LRP1B: variants seen among roughly 807,000 people sequenced by gnomAD.
LRP1B encodes LDL receptor related protein 1B, also known as low-density lipoprotein receptor-related protein 1B.
A neutral mutation model predicts 556.6 loss-of-function variants in LRP1B; 217 were observed. The observed-to-expected ratio is 0.39, with a 90% CI of 0.35 to 0.44. The LOEUF is 0.44. LRP1B is among the 20% of genes least tolerant of loss of function. The probability of loss-of-function intolerance (pLI) is 1.00; values close to 1 mark genes in which losing one functional copy is unlikely to be tolerated. For synonymous variants in LRP1B, 2,047 were observed against 1,865.8 expected, an observed-to-expected ratio of 1.10 and a Z score of -2.50; for missense variants, 5,053 against 5,620.8, an observed-to-expected ratio of 0.90 and a Z score of 3.23.
intron 2 of LRP1B, among the ~76,000 whole-genome samples, chr2:141,748,134 C>T (rs1693978322): frequency 6.6e-6 from 1 of 152,190 alleles, no homozygotes; most frequent in Admixed American, 6.5e-5. Flanking sequence ...ATATGCCCTA[C>T]ATTTTATAGG....
intron 2 of LRP1B, among the ~76,000 whole-genome samples, chr2:141,619,878 G>A (rs117007572): frequency 6.6e-6 from 1 of 152,126 alleles, no homozygotes; most frequent in African/African-American, 2.4e-5. Context: ...ACCATCCTAC[G>A]AGCAGATTAA....
At chr2:141,854,548 C>T (rs1697982834) in intron 1 of LRP1B, among the ~76,000 whole-genome samples, 1 of 152,084 alleles carries the variant, frequency 6.6e-6, no homozygotes, top group Non-Finnish European at 1.5e-5. Context: ...ACCTGCATTA[C>T]ACATCTGTTG....
intron 3 of LRP1B, among the ~76,000 whole-genome samples, chr2:141,392,408 C>A (rs539815668): frequency 1.1e-4 from 16 of 144,256 alleles, no homozygotes; most frequent in African/African-American, 2.0e-4. Flanking sequence ...AATCATCCTG[C>A]CTAACTTGCA....
chr2:140,758,481 CAAAT>C (rs1257446662), intron 35 of LRP1B, among the ~76,000 whole-genome samples: 2 of 151,780 alleles, frequency 1.3e-5, no homozygotes, highest in East Asian at 3.9e-4. Flanking sequence ...AAAATTTAAA[CAAAT>C]AAAAGTATTT....
intron 43 of LRP1B, among the ~76,000 whole-genome samples, chr2:140,572,695 T>C (rs1337086125): frequency 6.6e-6 from 1 of 151,788 alleles, no homozygotes; most frequent in Non-Finnish European, 1.5e-5. Context: ...ATTACAGCAC[T>C]ATTCACAATA....
At chr2:141,155,484 TTA>T (rs1405215533) in intron 7 of LRP1B, among the ~76,000 whole-genome samples, 34 of 150,266 alleles carry the variant, frequency 2.3e-4, no homozygotes, top group Non-Finnish European at 2.8e-4. Flanking sequence ...CTTTTTATTA[TTA>T]TTTTTTTTTA....
chr2:140,546,316 T>C (rs1006232639), intron 43 of LRP1B, among the ~76,000 whole-genome samples: 1 of 152,110 alleles, frequency 6.6e-6, no homozygotes, highest in African/African-American at 2.4e-5. Flanking sequence ...TCCAATACTA[T>C]ATTGAAAAGG....
intron 1 of LRP1B, among the ~76,000 whole-genome samples, chr2:142,061,521 C>T (rs1704912569): frequency 1.3e-5 from 2 of 151,914 alleles, no homozygotes; most frequent in Non-Finnish European, 2.9e-5. Flanking sequence ...CAAGGTAGTG[C>T]AGCAAACAGG....
intron 32 of LRP1B, among the ~76,000 whole-genome samples, chr2:140,788,283 A>G (rs12620422): frequency 0.43 from 65,752 of 151,994 alleles, 15,834 homozygotes; most frequent in East Asian, 0.58. Context: ...CTACATAAAT[A>G]ACTCGGAAAA....
intron 2 of LRP1B, among the ~76,000 whole-genome samples, chr2:141,521,491 G>T (rs1338669002): frequency 1.4e-5 from 2 of 147,700 alleles, no homozygotes; most frequent in African/African-American, 4.9e-5. Flanking sequence ...GAAAATTGGA[G>T]AAATTTTCAT....
At chr2:140,577,721 T>C (rs1681588856) in intron 43 of LRP1B, among the ~76,000 whole-genome samples, 2 of 152,132 alleles carry the variant, frequency 1.3e-5, no homozygotes, top group South Asian at 4.1e-4. Context: ...CCAAACCTGG[T>C]TGCACTACAG....
At chr2:141,197,332 C>A (rs1270151550) in intron 6 of LRP1B, among the ~76,000 whole-genome samples, 1 of 152,068 alleles carries the variant, frequency 6.6e-6, no homozygotes, top group Non-Finnish European at 1.5e-5. Context: ...AAATGTTTAG[C>A]CTTGCTGGGG....
intron 3 of LRP1B, among the ~76,000 whole-genome samples, chr2:141,431,472 G>T (rs987976930): frequency 6.6e-6 from 1 of 152,156 alleles, no homozygotes; most frequent in African/African-American, 2.4e-5. Context: ...CTCCCCTACA[G>T]TCCTTGCAAC....
At chr2:141,524,200 A>T (rs1684618017) in intron 2 of LRP1B, among the ~76,000 whole-genome samples, 1 of 151,914 alleles carries the variant, frequency 6.6e-6, no homozygotes, top group South Asian at 2.1e-4. Context: ...AAGCCTGTGC[A>T]CAGTGGGTGC....
intron 2 of LRP1B, among the ~76,000 whole-genome samples, chr2:141,570,097 T>A (rs1686474041): frequency 1.3e-5 from 2 of 150,428 alleles, no homozygotes. Flanking sequence ...GGGGCCGAGA[T>A]GACTGACTAG....
At chr2:142,028,725 A>G (rs76999977) in intron 1 of LRP1B, among the ~76,000 whole-genome samples, 5,149 of 152,058 alleles carry the variant, frequency 0.034, 89 homozygotes, top group Non-Finnish European at 0.04. Context: ...TTTTGACTTT[A>G]TATAAGAAAG....
intron 21 of LRP1B, among the ~76,000 whole-genome samples, chr2:140,916,338 T>C (rs1204524674): frequency 1.3e-5 from 2 of 152,210 alleles, no homozygotes; most frequent in African/African-American, 4.8e-5. Context: ...AAATTCATCA[T>C]TTTATTCTGT....
intron 41 of LRP1B, among the ~76,000 whole-genome samples, chr2:140,629,885 C>T (rs1683816235): frequency 6.6e-6 from 1 of 152,042 alleles, no homozygotes. Flanking sequence ...AAAAGAAACA[C>T]AGGTAGTGCT....
In LRP1B at chr2:140,430,625, T is replaced by C. The variant is rs1228022124; in HGVS notation, c.10414+11879A>G. Among the ~76,000 whole-genome samples the C allele has an allele frequency of 2.0e-5, 3 of 152,162 alleles. No homozygotes were observed. The East Asian group carries it at 5.8e-4, about 29-fold the overall frequency. On this transcript the variant is annotated intron_variant, in intron 66 of 90. Coordinates refer to ENST00000389484, the MANE Select transcript of LRP1B (RefSeq NM_018557.3). ...ATTCCCCTGCTGAAACTTCCACCTA[T>C]CAATCTCTTCCCACACAAGGCAAAT...
Sources: gnomAD v4.1 joint callset for allele counts (sites outside exome capture counted in the v4.1 genomes callset) on GRCh38, gnomAD v4.1.1 for gene constraint, MANE v1.5 for transcripts, NCBI Gene and HGNC (gene_info 2026-07-23, HGNC 2026-07-21) for gene names.